The following ADGRL2 variants were observed in gnomAD, a reference collection of about 807,000 sequenced individuals.
ADGRL2 encodes the protein calcium-independent alpha-latrotoxin receptor 2.
Under a neutral mutation model 157.4 loss-of-function variants are expected in ADGRL2, and 44 were observed. The observed-to-expected ratio is 0.28, with a 90% confidence interval of 0.22 to 0.36. The LOEUF (loss-of-function observed/expected upper bound fraction) is 0.36, where lower values mean the gene tolerates loss of function less well. Ranked by LOEUF, ADGRL2 falls within the 10% of genes least tolerant of loss-of-function variation. The pLI, the probability that ADGRL2 is intolerant of heterozygous loss-of-function variation, is 1.00. For synonymous variants in ADGRL2, 585 were observed against 624.7 expected (o/e 0.94, Z 0.95); for missense variants, 1,510 against 1,768.9 (o/e 0.85, Z 2.63).
chr1:81,497,978 G>C (rs567548519), intron 2 of ADGRL2, among the ~76,000 whole-genome samples: 1 of 152,076 alleles, frequency 6.6e-6, no homozygotes, highest in Non-Finnish European at 1.5e-5. Flanking sequence ...AGGCCGAGGC[G>C]GGCAGATCAC....
intron 1 of ADGRL2, among the ~76,000 whole-genome samples, chr1:81,808,849 C>G (rs570797011): frequency 2.0e-5 from 3 of 151,986 alleles, no homozygotes; most frequent in African/African-American, 7.2e-5. Context: ...CCCAGATTTA[C>G]GGAAGTGCAG....
chr1:81,692,891 AT>A lies in ADGRL2; in HGVS notation c.-142-68919del, dbSNP rs554561268. 1.6e-4 allele frequency among the ~76,000 whole-genome samples: 25 copies of A among 152,302 alleles called. No homozygotes were observed. The South Asian group carries it at 5.0e-3, about 30-fold the overall frequency. ...GGTACCACTGGATGACACTGGGCCA[AT>A]ATTCCCCTGACAACACAGTAGCACT... On this transcript the variant is annotated intron_variant, in intron 3 of 24. Transcript: ENST00000370721.
At chr1:81,520,417 C>T (rs771226596) in intron 2 of ADGRL2, among the ~76,000 whole-genome samples, 1 of 151,904 alleles carries the variant, frequency 6.6e-6, no homozygotes, top group Non-Finnish European at 1.5e-5. Flanking sequence ...TGAACTTAAA[C>T]ACCTTTTAAA....
chr1:81,916,896 G>C (rs541026140), intron 3 of ADGRL2, among the ~76,000 whole-genome samples: 1 of 151,486 alleles, frequency 6.6e-6, no homozygotes, highest in Non-Finnish European at 1.5e-5. Context: ...TTTTGTTTTT[G>C]TACTAGGTTA....
At chr1:81,628,822 A>C (rs1221926195) in intron 3 of ADGRL2, among the ~76,000 whole-genome samples, 4 of 152,226 alleles carry the variant, frequency 2.6e-5, no homozygotes, top group Non-Finnish European at 5.9e-5. Context: ...TAGGCAAAAA[A>C]ATCTAAAGTT....
intron 2 of ADGRL2, among the ~76,000 whole-genome samples, chr1:81,839,615 G>C (rs1249614100): frequency 1.3e-5 from 2 of 151,686 alleles, no homozygotes; most frequent in African/African-American, 4.8e-5. Flanking sequence ...CTACATATCA[G>C]TGAGAACATG....
At chr1:81,835,077 G>A (rs548168753) in intron 1 of ADGRL2, among the ~76,000 whole-genome samples, 101 of 152,122 alleles carry the variant, frequency 6.6e-4, no homozygotes, top group African/African-American at 2.4e-3. Flanking sequence ...CACAAACAAG[G>A]GCTCTTTGAA....
chr1:81,979,996 A>C, intron 18 of ADGRL2, 36 bp downstream of exon 18: 1 of 1,133,746 alleles, frequency 8.8e-7, no homozygotes, highest in Non-Finnish European at 1.3e-6. Context: ...ATACTTGACA[A>C]ACTAAGTAAA....
At position 81,952,077 on chromosome 1, in the gene ADGRL2, C is replaced by G. The variant is rs772691879; in HGVS notation, c.1729C>G (p.Leu577Val). 6.2e-7 allele frequency: 1 copy of G among 1,613,500 alleles called. No homozygotes were observed. Among genetic ancestry groups the G allele is most frequent in the Non-Finnish European group, 8.5e-7 (1 of 1,179,582 alleles). ...VRLMEQLVDI[L>V]DAQLQELKPS... is the part of the protein sequence containing the mutation. ...ATTGATGGAGCAGTTGGTGGACATCCTTGATGCACAGCTGCAGGAACTGAA... is the reference window on the plus strand; with the variant it reads ...ATTGATGGAGCAGTTGGTGGACATCGTTGATGCACAGCTGCAGGAACTGAA... The change falls in exon 9 of 24, where the codon CTT (leucine) becomes GTT (valine). Residue 577 changes from leucine to valine, a missense_variant. Around this residue, in one of 4 missense-constraint regions of ADGRL2, gnomAD observed 325 missense variants for 333.2 expected, o/e 0.98. Coordinates refer to ENST00000686636, the MANE Select transcript of ADGRL2 (RefSeq NM_001366006.2).
intron 1 of ADGRL2, among the ~76,000 whole-genome samples, chr1:81,360,747 A>G (rs1255704893): frequency 2.6e-5 from 4 of 151,978 alleles, no homozygotes; most frequent in South Asian, 2.1e-4. Flanking sequence ...GAAGGAGGGA[A>G]AAAAGGAAGA....
In ADGRL2 at chr1:81,825,944, G is replaced by T. The variant is rs567948992; in HGVS notation, c.-100-10941G>T. On this transcript the variant is annotated intron_variant, in intron 1 of 23. Transcript: ENST00000686636. ...TTTGCAGATGTTCAGAAAGAAAGATGTTAGGACAGAGGGATTGAAAGCAAT... is the reference window on the plus strand; with the variant it reads ...TTTGCAGATGTTCAGAAAGAAAGATTTTAGGACAGAGGGATTGAAAGCAAT... Among the ~76,000 whole-genome samples, 3 of 152,226 alleles carry T rather than the reference G, an allele frequency of 2.0e-5. No individual in the cohort carries two copies. In the East Asian group the frequency reaches 5.8e-4, roughly 30 times the overall value.
At chr1:81,550,311 A>G (rs973986210) in intron 2 of ADGRL2, among the ~76,000 whole-genome samples, 3 of 152,198 alleles carry the variant, frequency 2.0e-5, no homozygotes, top group Non-Finnish European at 4.4e-5. Flanking sequence ...CATGACAGCC[A>G]TTTTATAGCT....
At chr1:81,662,577 C>G (rs2082674342) in intron 3 of ADGRL2, among the ~76,000 whole-genome samples, 1 of 147,788 alleles carries the variant, frequency 6.8e-6, no homozygotes, top group South Asian at 2.1e-4. Context: ...CTTTTTGAGA[C>G]AGAGTCTCGC....
At chr1:81,553,112 G>C (rs546434155) in intron 2 of ADGRL2, among the ~76,000 whole-genome samples, 1 of 152,010 alleles carries the variant, frequency 6.6e-6, no homozygotes, top group African/African-American at 2.4e-5. Context: ...GAGCTTAGCT[G>C]GAAGTTGTAA....
At position 81,317,422 on chromosome 1, in the gene ADGRL2, C is replaced by T. The variant is rs528817266; in HGVS notation, c.-302+10913C>T. Among the ~76,000 whole-genome samples the T allele has an allele frequency of 2.6e-4, 39 of 152,280 alleles. 1 individual carries two copies. Among genetic ancestry groups the T allele is most frequent in the Admixed American group, 1.1e-3 (17 of 15,282 alleles). On this transcript the variant is annotated intron_variant, in intron 1 of 24. Coordinates refer to the ADGRL2 transcript ENST00000370721. The stretch of plus-strand genomic sequence containing the variant: ...AAAGTGCCACTGACTGGTCTGATTG[C>T]GATGGCATTCCTTGGTGTTACCATC...
chr1:81,328,209 A>G (rs1661028821), intron 1 of ADGRL2, among the ~76,000 whole-genome samples: 1 of 152,126 alleles, frequency 6.6e-6, no homozygotes, highest in South Asian at 2.1e-4. Flanking sequence ...AAAGGGAAGA[A>G]TTTCTACCAA....
At chr1:81,636,789 G>A (rs954457994) in intron 3 of ADGRL2, among the ~76,000 whole-genome samples, 2 of 152,106 alleles carry the variant, frequency 1.3e-5, no homozygotes, top group African/African-American at 4.8e-5. Context: ...AAAATACTGT[G>A]TAATATACTC....
intron 1 of ADGRL2, among the ~76,000 whole-genome samples, chr1:81,710,797 C>T (rs536964043): frequency 2.7e-5 from 4 of 150,328 alleles, no homozygotes; most frequent in Non-Finnish European, 5.9e-5. Context: ...ATTTTACTAG[C>T]CTTCTCAGAT....
At chr1:81,932,953 C>T (rs563766779) in intron 3 of ADGRL2, among the ~76,000 whole-genome samples, 3 of 152,238 alleles carry the variant, frequency 2.0e-5, no homozygotes, top group African/African-American at 7.2e-5. Flanking sequence ...CCACCCACCT[C>T]GGCCTCCCAA....
Sources: gnomAD v4.1 joint callset for allele counts (sites outside exome capture counted in the v4.1 genomes callset) on GRCh38, gnomAD v4.1.1 for gene constraint, gnomAD v4.1.1 regional missense constraint, MANE v1.5 for transcripts, NCBI Gene and HGNC (gene_info 2026-07-23, HGNC 2026-07-21) for gene names.